Variants in TAPT1 observed in about 807,000 individuals in gnomAD.
TAPT1 encodes transmembrane anterior posterior transformation 1.
TAPT1 carries 28 observed loss-of-function variants against 65.6 expected under a neutral mutation model. The ratio of observed to expected loss-of-function variants is 0.43; its 90% CI spans 0.32 to 0.59. The LOEUF is 0.59. Among genes scored for constraint, TAPT1 ranks in the 20% least tolerant of loss-of-function variants. The pLI is 0.09. For synonymous variants in TAPT1, 278 were observed against 245.2 expected (o/e 1.13, Z -1.25); for missense variants, 563 against 679.9 (o/e 0.83, Z 1.91).
At chr4:16,186,695 T>A (rs1364137945) in intron 6 of TAPT1, 86 bp downstream of exon 6, 1 of 1,376,320 alleles carries the variant, frequency 7.3e-7, no homozygotes, top group African/African-American at 1.4e-5. Context: ...GAACAACATA[T>A]AGAACAAAGA....
At position 16,226,200 on chromosome 4, in the gene TAPT1, G is replaced by A. The variant is rs3749544; in HGVS notation, c.199+59C>T. 311,728 of 1,085,734 alleles carry A rather than the reference G, an allele frequency of 0.29. 45,648 individuals are homozygous for A. The highest frequency in any genetic ancestry group is 0.34 in the East Asian group (6,248 of 18,128). The allele number at this position is 1,085,734 out of a possible 1,614,324, so 67.3% of individuals were successfully genotyped here. On this transcript the variant is annotated intron_variant, in intron 1 of 13. Transcript: ENST00000405303. ...GCCGGGGTTCCAAGGCGCCCCCGCC[G>A]CCCTCGGTCCCCAGTCCGCCCCTCG...
At chr4:16,170,773 C>T (rs1287137074) in intron 11 of TAPT1, 44 bp from the exon 12 acceptor site, 3 of 1,426,622 alleles carry the variant, frequency 2.1e-6, no homozygotes, top group Admixed American at 1.7e-5. Context: ...ACAAACAGAA[C>T]ACACAACCAC....
At chr4:16,186,429 C>A in intron 7 of TAPT1, 106 bp downstream of exon 7, 1 of 673,556 alleles carries the variant, frequency 1.5e-6, no homozygotes, top group South Asian at 2.0e-5. Context: ...AGAGAAGGTA[C>A]AGTTTAAGCT....
At chr4:16,171,213 C>T (rs1432757973) in intron 11 of TAPT1, among the ~76,000 whole-genome samples, 1 of 152,184 alleles carries the variant, frequency 6.6e-6, no homozygotes, top group East Asian at 1.9e-4. Flanking sequence ...TTATGAACCC[C>T]CAGTAACTCA....
chr4:16,186,319 C>T (rs1223436623), intron 7 of TAPT1, among the ~76,000 whole-genome samples: 3 of 152,128 alleles, frequency 2.0e-5, no homozygotes, highest in Non-Finnish European at 4.4e-5. Context: ...CTCAAAGTAG[C>T]GTATGGTGCT....
chr4:16,163,765 G>A (rs952824343), intron 13 of TAPT1, among the ~76,000 whole-genome samples: 6 of 152,106 alleles, frequency 3.9e-5, no homozygotes, highest in Non-Finnish European at 7.4e-5. Context: ...TACATTGCTC[G>A]TATCACACAA....
chr4:16,172,027 G>A (rs1437647888), intron 11 of TAPT1, among the ~76,000 whole-genome samples: 1 of 152,004 alleles, frequency 6.6e-6, no homozygotes, highest in Non-Finnish European at 1.5e-5. Flanking sequence ...CTGGATGCCC[G>A]CCAAAGCTGT....
rs1485881632 is a variant in TAPT1, at chr4:16,186,573, T to C, written c.878A>G (p.Lys293Arg). The C allele has an allele frequency of 6.5e-7, 1 of 1,535,862 alleles. No individual in the cohort carries two copies. The highest frequency in any genetic ancestry group is 8.8e-7 in the Non-Finnish European group (1 of 1,131,464). Residue 293 changes from lysine to arginine, a missense_variant, in exon 7 of 14, where the codon AAG becomes AGG. This residue lies in a region of TAPT1 where 217 missense variants were observed against 317.5 expected (regional missense o/e 0.68). Coordinates refer to ENST00000405303, the MANE Select transcript of TAPT1 (RefSeq NM_153365.3). ...FVEIKGSVFK[K>R]FEKNNLFQMS... is the part of the protein sequence containing the mutation. Reference sequence around the variant, plus strand: ...TTGAAAGAGATTGTTCTTTTCAAACTTCTTGAAAACACTTCCTTTAATTTC... The same window carrying C: ...TTGAAAGAGATTGTTCTTTTCAAACCTCTTGAAAACACTTCCTTTAATTTC...
At chr4:16,167,567 G>A (rs1403928592) in intron 12 of TAPT1, among the ~76,000 whole-genome samples, 2 of 152,164 alleles carry the variant, frequency 1.3e-5, no homozygotes, top group Non-Finnish European at 2.9e-5. Context: ...GTGGAGTCAG[G>A]AGGCAGAGCA....
chr4:16,186,868 T>C lies in TAPT1; in HGVS notation c.759A>G (p.Ala253=). Reference sequence around the variant, plus strand: ...TTGTTGCTTGAACCATTATAAGAATTGCATGCAAAACTAATAGAAGGTCAA... The same window carrying C: ...TTGTTGCTTGAACCATTATAAGAATCGCATGCAAAACTAATAGAAGGTCAA... The part of the protein sequence containing the change: ...FMAVLYVFLH[A]ILIMVQATTL... The change falls in exon 6 of 14, where the codon GCA becomes GCG. Residue 253 remains alanine (A), a synonymous_variant. Transcript: ENST00000405303. The C allele has an allele frequency of 6.2e-7, 1 of 1,608,168 alleles. No homozygotes were observed.
intron 2 of TAPT1, among the ~76,000 whole-genome samples, chr4:16,210,367 A>C (rs1017424317): frequency 3.9e-5 from 6 of 152,208 alleles, no homozygotes; most frequent in African/African-American, 1.4e-4. Context: ...CACCTCTCCC[A>C]ATCACCTCCT....
chr4:16,208,010 T>C (rs900747106), intron 2 of TAPT1, among the ~76,000 whole-genome samples: 1 of 152,186 alleles, frequency 6.6e-6, no homozygotes, highest in African/African-American at 2.4e-5. Context: ...ATATGCAAGC[T>C]TACATGAACA....
chr4:16,178,588 C>T (rs1748499695), intron 8 of TAPT1, among the ~76,000 whole-genome samples: 1 of 152,106 alleles, frequency 6.6e-6, no homozygotes, highest in Admixed American at 6.6e-5. Flanking sequence ...TTATAATTAC[C>T]CACTTCCCCT....
chr4:16,194,258 C>T (rs2149695517), intron 3 of TAPT1, among the ~76,000 whole-genome samples: 1 of 152,332 alleles, frequency 6.6e-6, no homozygotes, highest in East Asian at 1.9e-4. Flanking sequence ...AATTCAGTTA[C>T]TACGTGGCAA....
upstream of TAPT1, chr4:16,226,915 C>G (rs13136055): frequency 3.0e-6 from 1 of 333,662 alleles, no homozygotes; most frequent in Non-Finnish European, 5.8e-6. Flanking sequence ...TCCGGCGGTC[C>G]GCTCAGGGCC....
rs1410757222 is a variant in TAPT1 at position 16,226,264 on chromosome 4, C to T, written c.194G>A (p.Arg65His). The change falls in exon 1 of 14, where the codon CGC becomes CAC. Residue 65 changes from arginine to histidine, a missense_variant. By Grantham distance (29) the Arg-to-His change is conservative. Transcript: ENST00000405303. ...SDRRRERRRG[R>H]TELSLLRFLS... ...CCTAGCGCCGCCCGCCTCACCTGTG[C>T]GGCCCCGGCGCCTCTCCCGCCGCCG... is the stretch of plus-strand genomic sequence containing the variant. The T allele has an allele frequency of 2.7e-6, 3 of 1,122,094 alleles. No homozygotes were observed. Among genetic ancestry groups the T allele is most frequent in the Non-Finnish European group, 3.3e-6 (3 of 918,364 alleles). 69.5% of individuals were successfully genotyped at this position (1,122,094 alleles called of 1,614,324 possible).
chr4:16,225,731 T>A (rs1413790426), intron 1 of TAPT1: 1 of 286,798 alleles, frequency 3.5e-6, no homozygotes, highest in East Asian at 1.7e-4. Context: ...TATGGAGTGT[T>A]AAATATTTCT....
rs551684646 is a variant in TAPT1, at chr4:16,204,258, G to A, written c.331-1678C>T. Among the ~76,000 whole-genome samples, 39 of 152,342 alleles carry A rather than the reference G, an allele frequency of 2.6e-4. No individual in the cohort carries two copies. The South Asian group carries it at 7.7e-3, about 30-fold the overall frequency. ...CTGAAAATCAGGTCCCGGATAGGCAGCCAGGCTGAAATTTAGTTCCTTCCT... is the reference window on the plus strand; with the variant it reads ...CTGAAAATCAGGTCCCGGATAGGCAACCAGGCTGAAATTTAGTTCCTTCCT... On this transcript the variant is annotated intron_variant, in intron 2 of 13. Transcript: ENST00000405303.
At chr4:16,208,101 TAAATACC>T (rs1750450066) in intron 2 of TAPT1, among the ~76,000 whole-genome samples, 1 of 152,138 alleles carries the variant, frequency 6.6e-6, no homozygotes, top group African/African-American at 2.4e-5. Context: ...ACCCAAGAAA[TAAATACC>T]ATGAGAGGGG....
Sources: allele counts gnomAD v4.1 joint callset (sites outside exome capture counted in the v4.1 genomes callset), GRCh38; gene constraint gnomAD v4.1.1; regional missense constraint gnomAD v4.1.1; transcripts MANE v1.5; gene names NCBI Gene and HGNC (gene_info 2026-07-23, HGNC 2026-07-21).